The following NAV3 variants were observed in gnomAD, a reference collection of about 807,000 sequenced individuals.
NAV3 encodes neuron navigator 3.
A neutral mutation model predicts 244.7 loss-of-function variants in NAV3; 87 were observed. The ratio of observed to expected loss-of-function variants is 0.36; its 90% CI spans 0.30 to 0.42. The LOEUF (loss-of-function observed/expected upper bound fraction) is 0.42, where lower values mean the gene tolerates loss of function less well. Ranked by LOEUF, NAV3 falls within the 20% of genes least tolerant of loss-of-function variation. NAV3 has a pLI of 1.00. For missense variants in NAV3, 2,663 were observed against 2,893.3 expected, an observed-to-expected ratio of 0.92 and a Z score of 1.83; for synonymous variants, 1,126 against 1,042.2, an observed-to-expected ratio of 1.08 and a Z score of -1.55.
intron 16 of NAV3, among the ~76,000 whole-genome samples, chr12:78,125,382 A>G (rs1955862927): frequency 7.1e-6 from 1 of 139,972 alleles, no homozygotes; most frequent in African/African-American, 2.6e-5. Context: ...ATTAAATAAA[A>G]TAATAAAATA....
chr12:77,913,160 G>A (rs561131279), intron 1 of NAV3, among the ~76,000 whole-genome samples: 2 of 152,052 alleles, frequency 1.3e-5, no homozygotes, highest in African/African-American at 4.8e-5. Context: ...TTACATATAC[G>A]TGTACTTTTA....
At chr12:77,974,341 G>A (rs1282710707) in intron 5 of NAV3, among the ~76,000 whole-genome samples, 1 of 151,980 alleles carries the variant, frequency 6.6e-6, no homozygotes, top group Non-Finnish European at 1.5e-5. Context: ...GAGTGCAGTG[G>A]CTCAGTATCA....
intron 3 of NAV3, 29 bp downstream of exon 3, chr12:77,941,162 A>G (rs1037920710): frequency 1.6e-6 from 2 of 1,286,028 alleles, no homozygotes; most frequent in Non-Finnish European, 2.2e-6. Flanking sequence ...CTCAATATAT[A>G]ATGCTGATCT....
At position 77,831,701 on chromosome 12, in the gene NAV3, C is replaced by A. The variant is rs1417154340; in HGVS notation, c.240C>A (p.Ser80Arg). The A allele has an allele frequency of 1.2e-6, 2 of 1,601,140 alleles. No homozygotes were observed. Among genetic ancestry groups the A allele is most frequent in the African/African-American group, 2.7e-5 (2 of 74,132 alleles). Reference sequence around the variant, plus strand: ...GAAAAGCCAAGGAGAAAGAAGACAGCAAGGTTAGTTGCTGAAGTTACCTGC... The same window carrying A: ...GAAAAGCCAAGGAGAAAGAAGACAGAAAGGTTAGTTGCTGAAGTTACCTGC... ...LQGKAKEKED[S>R]KIYTDWANHY... Residue 80 changes from serine (S) to arginine (R), a missense_variant, in exon 1 of 40, where the codon AGC (serine) becomes AGA (arginine). Ser to Arg is a moderately radical substitution (Grantham distance 110, BLOSUM62 -1). Around this residue, in one of 6 missense-constraint regions of NAV3, gnomAD observed 1,521 missense variants for 1,497.0 expected, o/e 1.02. Coordinates refer to ENST00000397909, the MANE Select transcript of NAV3 (RefSeq NM_001024383.2).
chr12:77,927,287 CAAA>C (rs1429490502), intron 1 of NAV3, among the ~76,000 whole-genome samples: 16 of 152,082 alleles, frequency 1.1e-4, no homozygotes, highest in Non-Finnish European at 1.5e-5. Context: ...TTGCAGCAGT[CAAA>C]TAAAGGAGAC....
At chr12:77,901,857 C>A (rs537442802) in intron 1 of NAV3, among the ~76,000 whole-genome samples, 1 of 152,228 alleles carries the variant, frequency 6.6e-6, no homozygotes, top group South Asian at 2.1e-4. Flanking sequence ...TTGGAGTCCC[C>A]AAATTTGCTT....
intron 7 of NAV3, among the ~76,000 whole-genome samples, chr12:78,001,794 G>A (rs528771733): frequency 6.6e-6 from 1 of 152,302 alleles, no homozygotes; most frequent in South Asian, 2.1e-4. Context: ...ACATTATGTC[G>A]AAGTGGAACG....
At chr12:78,199,075 C>T (rs1402507007) in intron 36 of NAV3, 1 of 588,510 alleles carries the variant, frequency 1.7e-6, no homozygotes, top group Non-Finnish European at 3.2e-6. Context: ...GAAGAGTGAT[C>T]AGCATTTAGA....
intron 12 of NAV3, among the ~76,000 whole-genome samples, chr12:78,099,894 T>C (rs896919816): frequency 6.6e-6 from 1 of 151,986 alleles, no homozygotes; most frequent in African/African-American, 2.4e-5. Context: ...ATATCACTTA[T>C]TACGTTTAAC....
rs570755637 is a variant in NAV3 at position 78,089,034 on chromosome 12, C to A, written c.2637-27738C>A. On this transcript the variant is annotated intron_variant, in intron 12 of 39. Coordinates refer to ENST00000397909, the MANE Select transcript of NAV3 (RefSeq NM_001024383.2). ...TTTGGGATTATGAAGGGATTCTATT[C>A]TCCACATGTGAAATCAACATAATAG... 2.6e-5 allele frequency among the ~76,000 whole-genome samples: 4 copies of A among 152,278 alleles called. No homozygotes were observed. In the South Asian group the frequency reaches 6.2e-4, roughly 24 times the overall value.
rs1959280952 is a variant in NAV3, at chr12:78,198,842, C to G, written c.6518+166C>G. 3.3e-5 allele frequency among the ~76,000 whole-genome samples: 5 copies of G among 149,428 alleles called. No individual in the cohort carries two copies. The South Asian group carries it at 1.0e-3, about 31-fold the overall frequency. ...TGACCTGTGGTGTGAAAATAATTCT[C>G]ACTTCTGACACTCTTTCTCAAGCCA... On this transcript the variant is annotated intron_variant, in intron 36 of 39. Transcript: ENST00000397909.
At chr12:77,797,948 C>G (rs1374773973) in intron 2 of NAV3, among the ~76,000 whole-genome samples, 1 of 151,464 alleles carries the variant, frequency 6.6e-6, no homozygotes, top group Middle Eastern at 3.5e-3. Context: ...GCAAGCAGAT[C>G]CCTTGAGGCC....
chr12:78,006,822 TG>T lies in NAV3; in HGVS notation c.1286del (p.Gly429ValfsTer2). ...ESGEMEGFNS[G>X]LNSGGSTNSS... Reference sequence around the variant, plus strand: ...CTGGTGAAATGGAAGGTTTTAACAGTGGTCTGAATAGTGGTGGCTCAACAAA... The same window carrying T: ...CTGGTGAAATGGAAGGTTTTAACAGTGTCTGAATAGTGGTGGCTCAACAAA... On this transcript the variant is annotated frameshift_variant, in exon 8 of 40. Transcript: ENST00000397909. LOFTEE classifies it high-confidence loss of function. 1.9e-6 allele frequency: 3 copies of T among 1,614,100 alleles called. No homozygotes were observed. Among genetic ancestry groups the T allele is most frequent in the Non-Finnish European group, 2.5e-6 (3 of 1,180,030 alleles).
At chr12:78,048,591 C>A (rs1353137782) in intron 9 of NAV3, among the ~76,000 whole-genome samples, 2 of 152,210 alleles carry the variant, frequency 1.3e-5, no homozygotes, top group African/African-American at 4.8e-5. Context: ...CCTCTGGAAG[C>A]TTCATCCCAG....
rs1234552385 is a variant in NAV3 at position 77,680,986 on chromosome 12, G to A, written c.72+108720G>A. Among the ~76,000 whole-genome samples the A allele has an allele frequency of 3.9e-5, 6 of 152,120 alleles. No homozygotes were observed. In the East Asian group the frequency reaches 1.2e-3, roughly 29 times the overall value. ...ATGAGATCCGATTTTGGGGGGAGGG[G>A]CGGAAGTCATTCTTTGTTAGATTTC... On this transcript the variant is annotated intron_variant, in intron 2 of 8. Coordinates refer to the NAV3 transcript ENST00000550042.
intron 1 of NAV3, among the ~76,000 whole-genome samples, chr12:77,867,488 C>T (rs1176970238): frequency 2.0e-5 from 3 of 152,108 alleles, no homozygotes; most frequent in Non-Finnish European, 4.4e-5. Flanking sequence ...GGCGCGATCT[C>T]AGCTCACTGC....
chr12:77,767,334 G>A (rs564673840), intron 2 of NAV3, among the ~76,000 whole-genome samples: 168 of 152,258 alleles, frequency 1.1e-3, no homozygotes, highest in Non-Finnish European at 4.6e-4. Context: ...TTAGGGTGTC[G>A]CTTTTCCAGC....
At chr12:77,994,277 C>A (rs190274618) in intron 5 of NAV3, among the ~76,000 whole-genome samples, 32 of 152,314 alleles carry the variant, frequency 2.1e-4, no homozygotes, top group Non-Finnish European at 1.8e-4. Context: ...TACTAGAGAT[C>A]AGCAATAACT....
intron 2 of NAV3, among the ~76,000 whole-genome samples, chr12:77,765,958 A>G (rs1263955650): frequency 6.6e-6 from 1 of 152,190 alleles, no homozygotes; most frequent in Non-Finnish European, 1.5e-5. Flanking sequence ...GAAATGTGAA[A>G]TTATTGTTGA....
Sources: gnomAD v4.1 joint callset for allele counts (sites outside exome capture counted in the v4.1 genomes callset) on GRCh38, gnomAD v4.1.1 for gene constraint, gnomAD v4.1.1 regional missense constraint, MANE v1.5 for transcripts, NCBI Gene and HGNC (gene_info 2026-07-23, HGNC 2026-07-21) for gene names.